Variants in FAT3 observed in about 807,000 individuals in gnomAD.
The protein encoded by FAT3 is protocadherin Fat 3.
A neutral mutation model predicts 310.2 loss-of-function variants in FAT3; 95 were observed. The ratio of observed to expected loss-of-function variants is 0.31; its 90% CI spans 0.26 to 0.36. FAT3 has a LOEUF of 0.36. Among genes scored for constraint, FAT3 ranks in the 10% least tolerant of loss-of-function variants. FAT3 has a pLI of 1.00. For synonymous variants in FAT3, 2,314 were observed against 2,192.9 expected (o/e 1.06, Z -1.54); for missense variants, 5,408 against 5,715.6 (o/e 0.95, Z 1.74).
intron 3 of FAT3, among the ~76,000 whole-genome samples, chr11:92,553,240 G>A (rs1591440308): frequency 6.6e-6 from 1 of 152,206 alleles, no homozygotes; most frequent in East Asian, 1.9e-4. Flanking sequence ...TAGATCAAAG[G>A]TCACATCTTG....
At chr11:92,651,179 A>G (rs1942367693) in intron 3 of FAT3, among the ~76,000 whole-genome samples, 1 of 152,238 alleles carries the variant, frequency 6.6e-6, no homozygotes, top group African/African-American at 2.4e-5. Flanking sequence ...TACTGTTCAC[A>G]AAAGAGTCTG....
intron 7 of FAT3, among the ~76,000 whole-genome samples, chr11:92,779,519 A>G (rs947921708): frequency 6.6e-6 from 1 of 152,114 alleles, no homozygotes; most frequent in Non-Finnish European, 1.5e-5. Context: ...ACTGAAACAC[A>G]TGAAATAGAT....
intron 2 of FAT3, among the ~76,000 whole-genome samples, chr11:92,389,492 A>G (rs764217107): frequency 2.6e-5 from 4 of 152,226 alleles, no homozygotes; most frequent in African/African-American, 2.4e-5. Context: ...ACAAGTATGG[A>G]GGAAAAGGCG....
At chr11:92,558,429 C>T (rs146113901) in intron 3 of FAT3, among the ~76,000 whole-genome samples, 6 of 77,976 alleles carry the variant, frequency 7.7e-5, no homozygotes, top group East Asian at 1.1e-3. Flanking sequence ...TGTGTATGCA[C>T]GTGTGTGTTT....
rs1390581281 is a variant in FAT3, at chr11:92,798,950, C to A, written c.5937C>A (p.Gly1979=). 2 of 1,613,964 alleles carry A rather than the reference C, an allele frequency of 1.2e-6. No individual in the cohort carries two copies. Among genetic ancestry groups the A allele is most frequent in the Non-Finnish European group, 1.7e-6 (2 of 1,179,874 alleles). The change falls in exon 10 of 28, where the codon GGC becomes GGA. Residue 1979 remains glycine (G), a synonymous_variant. Coordinates refer to ENST00000525166, the MANE Select transcript of FAT3 (RefSeq NM_001367949.2). ...TGGTTAAAGAAGCCATGGACAGCGG[C>A]CTCCACTTTACACAAAGCTTCTATT... ...TIMVKEAMDS[G]LHFTQSFYST...
intron 21 of FAT3, among the ~76,000 whole-genome samples, chr11:92,866,371 C>A (rs1298779486): frequency 1.3e-5 from 2 of 152,182 alleles, no homozygotes; most frequent in Non-Finnish European, 2.9e-5. Flanking sequence ...TCCCGGAATT[C>A]ATTCCTGTGG....
intron 1 of FAT3, among the ~76,000 whole-genome samples, chr11:92,293,213 T>C (rs1480726922): frequency 6.6e-6 from 1 of 151,278 alleles, no homozygotes; most frequent in Non-Finnish European, 1.5e-5. Context: ...GGGTGGGAGC[T>C]AGAAGGCAGA....
intron 2 of FAT3, among the ~76,000 whole-genome samples, chr11:92,485,896 A>G (rs895418145): frequency 2.0e-5 from 3 of 151,042 alleles, no homozygotes; most frequent in Non-Finnish European, 4.4e-5. Flanking sequence ...AACTCTGTGA[A>G]TCTTTTTCTA....
intron 1 of FAT3, among the ~76,000 whole-genome samples, chr11:92,265,313 G>A (rs1003045970): frequency 5.3e-5 from 8 of 151,754 alleles, no homozygotes; most frequent in African/African-American, 1.2e-4. Flanking sequence ...CTTCTATTAC[G>A]CTGCCGTATG....
At chr11:92,563,011 ATATAGTGC>A (rs1172062393) in intron 3 of FAT3, among the ~76,000 whole-genome samples, 1 of 152,220 alleles carries the variant, frequency 6.6e-6, no homozygotes, top group Non-Finnish European at 1.5e-5. Context: ...ATTAACCATC[ATATAGTGC>A]TATAGTACAT....
Position 92,892,945 on chromosome 11 carries a change from G to T in FAT3, c.*1832G>T, listed in dbSNP as rs1949948608. The stretch of plus-strand genomic sequence containing the variant: ...CCTTTTTTGCTTCAATCAGATTACG[G>T]CCGCCTGTGCAGTGGCCATGGTAAA... On this transcript the variant is annotated 3_prime_UTR_variant, in exon 28 of 28. Transcript: ENST00000525166. The T allele has an allele frequency of 6.6e-6, 1 of 152,034 alleles. No individual in the cohort carries two copies. The highest frequency in any genetic ancestry group is 1.5e-5 in the Non-Finnish European group (1 of 68,020). The allele number at this position is 152,034 out of a possible 1,614,324, so 9.4% of individuals were successfully genotyped here.
chr11:92,448,845 T>G (rs1951283296), intron 2 of FAT3, among the ~76,000 whole-genome samples: 1 of 152,180 alleles, frequency 6.6e-6, no homozygotes, highest in African/African-American at 2.4e-5. Context: ...ATCTCTGAAT[T>G]CTGCTGTTTG....
At chr11:92,540,879 A>C (rs1390143570) in intron 3 of FAT3, among the ~76,000 whole-genome samples, 1 of 152,018 alleles carries the variant, frequency 6.6e-6, no homozygotes, top group African/African-American at 2.4e-5. Flanking sequence ...AAGTGGGTGG[A>C]TTCTCTGTGC....
In FAT3 at chr11:92,798,962, A is replaced by C. The variant is rs376012766; in HGVS notation, c.5949A>C (p.Thr1983=). 2.8e-5 allele frequency: 45 copies of C among 1,613,864 alleles called. No individual in the cohort carries two copies. In the African/African-American group the frequency reaches 5.9e-4, roughly 21 times the overall value. The change falls in exon 10 of 28, where the codon ACA becomes ACC. Residue 1983 remains threonine (T), a synonymous_variant. Coordinates refer to ENST00000525166, the MANE Select transcript of FAT3 (RefSeq NM_001367949.2). ...KEAMDSGLHF[T]QSFYSTSISE... is the part of the protein sequence containing the mutation. ...CCATGGACAGCGGCCTCCACTTTAC[A>C]CAAAGCTTCTATTCCACCTCAATCT...
intron 13 of FAT3, among the ~76,000 whole-genome samples, chr11:92,827,158 A>G (rs1407808482): frequency 6.6e-6 from 1 of 152,186 alleles, no homozygotes; most frequent in African/African-American, 2.4e-5. Context: ...AAGGACCTGT[A>G]TAACTGTAAG....
At chr11:92,412,234 C>G (rs1950287265) in intron 2 of FAT3, among the ~76,000 whole-genome samples, 3 of 151,684 alleles carry the variant, frequency 2.0e-5, no homozygotes, top group African/African-American at 7.3e-5. Context: ...TCCTGAGTAG[C>G]TGGGATTACA....
At chr11:92,673,608 T>C (rs182020929) in intron 3 of FAT3, among the ~76,000 whole-genome samples, 4 of 152,300 alleles carry the variant, frequency 2.6e-5, no homozygotes, top group Admixed American at 2.6e-4. Context: ...TCCAAAAGTT[T>C]ACAATTAAGT....
rs182167698 is a variant in FAT3, at chr11:92,887,018, C to G, written c.12956C>G (p.Pro4319Arg). The G allele has an allele frequency of 5.0e-5, 80 of 1,606,982 alleles. No individual in the cohort carries two copies. Among genetic ancestry groups the G allele is most frequent in the Non-Finnish European group, 4.4e-5 (52 of 1,176,992 alleles). ...CATGAAGACAAAGGGGTTGATGACC[C>G]GGGAGAAGTGACCTGCTTTGCAGGT... ...AGTENKGVDD[P>R]GEVTCFAGSN... Residue 4319 changes from proline (P) to arginine (R), a missense_variant, in exon 25 of 28, where the codon CCG becomes CGG. By Grantham distance (103) the Pro-to-Arg change is moderately radical. Transcript: ENST00000525166.
Position 92,832,008 on chromosome 11 carries a change from A to G in FAT3, c.9868A>G (p.Thr3290Ala). Residue 3290 changes from threonine (T) to alanine (A), a missense_variant, in exon 14 of 28, where the codon ACA becomes GCA. Thr to Ala is a moderately conservative substitution (Grantham distance 58). This residue lies in a region of FAT3 where 4,588 missense variants were observed against 4,809.8 expected (regional missense o/e 0.95). Transcript: ENST00000525166. The stretch of plus-strand genomic sequence containing the variant: ...AGGGAAATTTAAGATCAACCCCAAG[A>G]CAGGTGGGTAAATAGCACTGTACTT... ...EQGKFKINPK[T>A]GGISVSEVLD... 6 of 1,539,802 alleles carry G rather than the reference A, an allele frequency of 3.9e-6. No individual in the cohort carries two copies. Among genetic ancestry groups the G allele is most frequent in the Non-Finnish European group, 5.2e-6 (6 of 1,143,890 alleles).
Sources: allele counts gnomAD v4.1 joint callset (sites outside exome capture counted in the v4.1 genomes callset), GRCh38; gene constraint gnomAD v4.1.1; regional missense constraint gnomAD v4.1.1; transcripts MANE v1.5; gene names NCBI Gene and HGNC (gene_info 2026-07-23, HGNC 2026-07-21).